The following CCDC68 variants were observed in gnomAD, a reference collection of about 807,000 sequenced individuals.
CCDC68 encodes coiled-coil domain containing 68.
A neutral mutation model predicts 47.1 loss-of-function variants in CCDC68; 45 were observed. The ratio of observed to expected loss-of-function variants is 0.96; its 90% CI spans 0.75 to 1.23. The LOEUF is 1.23. CCDC68 is among the 50% of genes most tolerant of loss of function. The pLI, the probability that CCDC68 is intolerant of heterozygous loss-of-function variation, is 0.00. For synonymous variants in CCDC68, 131 were observed against 129.5 expected, an observed-to-expected ratio of 1.01 and a Z score of -0.08; for missense variants, 353 against 373.6, an observed-to-expected ratio of 0.94 and a Z score of 0.45.
At chr18:54,930,653 C>CCCTTCCTT (rs1426771531) in intron 7 of CCDC68, among the ~76,000 whole-genome samples, 1 of 18,346 alleles carries the variant, frequency 5.5e-5, no homozygotes, top group Admixed American at 5.8e-4. Context: ...CTCCCTCCCT[C>CCCTTCCTT]CCTTCCTTCC....
In CCDC68 at chr18:54,914,411, G is replaced by C. The variant is rs113253020; in HGVS notation, c.873+3502C>G. 9.1e-4 allele frequency among the ~76,000 whole-genome samples: 138 copies of C among 152,020 alleles called. 3 individuals are homozygous for C. The highest frequency in any genetic ancestry group is 3.0e-3 in the African/African-American group (125 of 41,494). ...GACAGGAGGATCACCTGAGGTCAGGGGTTCGAGACCAGCCTGGCCAACATG... is the reference window on the plus strand; with the variant it reads ...GACAGGAGGATCACCTGAGGTCAGGCGTTCGAGACCAGCCTGGCCAACATG... On this transcript the variant is annotated intron_variant, in intron 10 of 11. Transcript: ENST00000591504.
At chr18:54,908,474 A>G (rs1914143178) in intron 10 of CCDC68, among the ~76,000 whole-genome samples, 1 of 152,224 alleles carries the variant, frequency 6.6e-6, no homozygotes, top group Non-Finnish European at 1.5e-5. Flanking sequence ...AGTTCATGCA[A>G]CAGCTAAGAA....
chr18:54,947,067 A>G (rs1227488526), intron 1 of CCDC68, among the ~76,000 whole-genome samples: 1 of 152,234 alleles, frequency 6.6e-6, no homozygotes, highest in Non-Finnish European at 1.5e-5. Flanking sequence ...AAGAAACCCA[A>G]GGGGAACATA....
At chr18:54,909,642 T>A (rs913002226) in intron 10 of CCDC68, among the ~76,000 whole-genome samples, 5 of 152,186 alleles carry the variant, frequency 3.3e-5, no homozygotes, top group Non-Finnish European at 5.9e-5. Flanking sequence ...GCAAGTGGTG[T>A]GGGGTCCGGC....
intron 4 of CCDC68, 37 bp downstream of exon 4, chr18:54,940,960 A>T (rs1375553674): frequency 6.9e-7 from 1 of 1,453,226 alleles, no homozygotes; most frequent in Admixed American, 1.8e-5. Context: ...AAAAAGTCTA[A>T]ATGGCTTTAT....
intron 9 of CCDC68, 28 bp downstream of exon 9, chr18:54,919,242 AC>A (rs756692797): frequency 6.5e-7 from 1 of 1,544,958 alleles, no homozygotes; most frequent in African/African-American, 1.4e-5. Context: ...CATACTGTCT[AC>A]CAGATAAATA....
intron 8 of CCDC68, among the ~76,000 whole-genome samples, chr18:54,927,049 T>A (rs1354647236): frequency 6.6e-6 from 1 of 152,200 alleles, no homozygotes; most frequent in Non-Finnish European, 1.5e-5. Context: ...TATCTAATCT[T>A]AACCTAACAG....
intron 10 of CCDC68, among the ~76,000 whole-genome samples, chr18:54,915,478 A>G (rs986346732): frequency 6.6e-5 from 10 of 152,256 alleles, no homozygotes; most frequent in African/African-American, 2.2e-4. Context: ...ACACACAGGT[A>G]TATAACAGGC....
chr18:54,914,415 C>T (rs1278350892), intron 10 of CCDC68, among the ~76,000 whole-genome samples: 4 of 151,936 alleles, frequency 2.6e-5, no homozygotes, highest in Admixed American at 6.6e-5. Flanking sequence ...GTCAGGGGTT[C>T]GAGACCAGCC....
intron 8 of CCDC68, among the ~76,000 whole-genome samples, chr18:54,924,291 A>T (rs73956746): frequency 2.5e-3 from 382 of 151,934 alleles, no homozygotes; most frequent in African/African-American, 8.9e-3. Flanking sequence ...TTGTATATGA[A>T]AAAAAAAACA....
At chr18:54,957,001 G>A (rs184118958) in intron 1 of CCDC68, among the ~76,000 whole-genome samples, 158 of 152,228 alleles carry the variant, frequency 1.0e-3, no homozygotes, top group African/African-American at 3.7e-3. Context: ...TGGGGTGAAT[G>A]TAACTGTAGT....
intron 10 of CCDC68, among the ~76,000 whole-genome samples, chr18:54,913,063 TTGA>T (rs1488408242): frequency 6.6e-6 from 1 of 152,104 alleles, no homozygotes; most frequent in East Asian, 1.9e-4. Flanking sequence ...TAAGCAGATA[TTGA>T]TGGGCAGGCA....
rs2044374210 is a variant in CCDC68 at position 54,937,869 on chromosome 18, C to G, written c.345+88G>C. ...CCTATGGATGTGTGTGGACATCTCTCTGCTTTTACAGAGCCACAGATGCTA... is the reference window on the plus strand; with the variant it reads ...CCTATGGATGTGTGTGGACATCTCTGTGCTTTTACAGAGCCACAGATGCTA... On this transcript the variant is annotated intron_variant, in intron 5 of 11. Coordinates refer to ENST00000591504, the MANE Select transcript of CCDC68 (RefSeq NM_025214.3). 7 of 1,198,816 alleles carry G rather than the reference C, an allele frequency of 5.8e-6. No homozygotes were observed. In the South Asian group the frequency reaches 1.2e-4, roughly 20 times the overall value. 74.3% of individuals were successfully genotyped at this position (1,198,816 alleles called of 1,614,324 possible). A position where few individuals can be genotyped will look rare whatever the true frequency, so the allele number is the denominator to read the frequency against.
At chr18:54,952,826 A>C (rs2044641333) in intron 1 of CCDC68, among the ~76,000 whole-genome samples, 1 of 152,202 alleles carries the variant, frequency 6.6e-6, no homozygotes, top group African/African-American at 2.4e-5. Context: ...CAGACTGGCC[A>C]ACATGGCGAA....
At chr18:54,958,123 C>T (rs185988238) in intron 1 of CCDC68, 1 of 152,172 alleles carries the variant, frequency 6.6e-6, no homozygotes, top group Non-Finnish European at 1.5e-5. Context: ...GAGGAAAGAA[C>T]CTTCTTATGA....
intron 2 of CCDC68, among the ~76,000 whole-genome samples, chr18:54,944,451 A>G (rs2044490740): frequency 6.6e-6 from 1 of 152,192 alleles, no homozygotes; most frequent in Admixed American, 6.5e-5. Context: ...CTATTTGAAT[A>G]AGACACAAAA....
At chr18:54,948,421 A>T (rs2044560973) in intron 1 of CCDC68, among the ~76,000 whole-genome samples, 2 of 152,188 alleles carry the variant, frequency 1.3e-5, no homozygotes, top group South Asian at 4.1e-4. Flanking sequence ...AGCCTTCAAG[A>T]GGAACCAGCC....
intron 1 of CCDC68, chr18:54,954,453 T>C (rs1331359916): frequency 1.3e-5 from 2 of 152,200 alleles, no homozygotes; most frequent in African/African-American, 4.8e-5. Flanking sequence ...TCCAGGTGTT[T>C]ATAGAAAGAT....
chr18:54,953,539 CAT>C (rs1399484282), intron 1 of CCDC68, among the ~76,000 whole-genome samples: 6 of 145,998 alleles, frequency 4.1e-5, no homozygotes, highest in African/African-American at 1.5e-4. Context: ...CACACACACA[CAT>C]ATATATATAT....
Sources: allele counts gnomAD v4.1 joint callset (sites outside exome capture counted in the v4.1 genomes callset), GRCh38; gene constraint gnomAD v4.1.1; transcripts MANE v1.5; gene names NCBI Gene and HGNC (gene_info 2026-07-23, HGNC 2026-07-21).